MOGS: variants seen among roughly 807,000 people sequenced by gnomAD.
MOGS encodes mannosyl-oligosaccharide glucosidase.
Under a neutral mutation model 68.5 loss-of-function variants are expected in MOGS, and 45 were observed. That is an observed-to-expected ratio of 0.66 (90% CI 0.52 to 0.84). The LOEUF (loss-of-function observed/expected upper bound fraction) is 0.84, where lower values mean the gene tolerates loss of function less well. MOGS is among the 40% of genes least tolerant of loss of function. The probability of loss-of-function intolerance (pLI) is 0.00; values close to 1 mark genes in which losing one functional copy is unlikely to be tolerated. For synonymous variants in MOGS, 492 were observed against 461.2 expected, an observed-to-expected ratio of 1.07 and a Z score of -0.86; for missense variants, 1,020 against 1,095.0, an observed-to-expected ratio of 0.93 and a Z score of 0.97.
rs1671892629 is a variant in MOGS, at chr2:74,461,235, G to A, written c.*40C>T. On this transcript the variant is annotated 3_prime_UTR_variant, in exon 4 of 4. Transcript: ENST00000448666. ...AGAAGCCTTTGTCCCTTCAGAGCCAGAGTGGCATGAGTGTCTTGGCTCCCC... is the reference window on the plus strand; with the variant it reads ...AGAAGCCTTTGTCCCTTCAGAGCCAAAGTGGCATGAGTGTCTTGGCTCCCC... The A allele has an allele frequency of 1.2e-6, 2 of 1,611,642 alleles. No homozygotes were observed. Among genetic ancestry groups the A allele is most frequent in the South Asian group, 1.1e-5 (1 of 90,898 alleles).
intron 1 of MOGS, 47 bp downstream of exon 1, chr2:74,464,849 G>A: frequency 1.9e-6 from 3 of 1,580,390 alleles, no homozygotes; most frequent in Non-Finnish European, 2.6e-6. Flanking sequence ...AAGCTGGGGC[G>A]CCCAGATTAG....
rs1330532887 is a variant in MOGS at position 74,465,189 on chromosome 2, T to C, written c.59A>G (p.Glu20Gly). Residue 20 changes from glutamate to glycine, a missense_variant, in exon 1 of 4, where the codon GAG becomes GGG. By Grantham distance (98) the Glu-to-Gly change is moderately conservative (BLOSUM62 -2). This residue lies in a region of MOGS where 569 missense variants were observed against 571.9 expected (regional missense o/e 0.99). Transcript: ENST00000448666. ...CCCGGGGCCTCCCCGAGCCGCCCTC[T>C]CGGCTGTCCGCACTCCCTCTGCCGG... The part of the protein sequence containing the change: ...AVPAEGVRTA[E>G]RAARGGPGRR... 25 of 1,534,638 alleles carry C rather than the reference T, an allele frequency of 1.6e-5. No individual in the cohort carries two copies. The highest frequency in any genetic ancestry group is 2.2e-5 in the Non-Finnish European group (25 of 1,149,798).
rs559593629 is a variant in MOGS at position 74,462,226 on chromosome 2, A to T, written c.1563T>A (p.His521Gln). 6.2e-7 allele frequency: 1 copy of T among 1,614,114 alleles called. No homozygotes were observed. Among genetic ancestry groups the T allele is most frequent in the African/African-American group, 1.3e-5 (1 of 75,026 alleles). ...NPPTLLLPVA[H>Q]MLEVGDPDDL... is the part of the protein sequence containing the mutation. Reference sequence around the variant, plus strand: ...CGTCAGGGTCACCAACCTCTAGCATATGGGCTACAGGCAAAAGTAGGGTTG... The same window carrying T: ...CGTCAGGGTCACCAACCTCTAGCATTTGGGCTACAGGCAAAAGTAGGGTTG... Residue 521 changes from histidine (H) to glutamine (Q), a missense_variant, in exon 4 of 4, where the codon CAT becomes CAA. His to Gln is a conservative substitution (Grantham distance 24). Transcript: ENST00000448666.
intron 1 of MOGS, 63 bp from the exon 2 acceptor site, chr2:74,464,785 C>A: frequency 1.3e-6 from 2 of 1,565,068 alleles, no homozygotes; most frequent in South Asian, 1.2e-5. Flanking sequence ...GTCTCCGGGT[C>A]ATCCCTCTTC....
Position 74,464,878 on chromosome 2 carries a change from G to A in MOGS, c.352+18C>T, listed in dbSNP as rs552192148. The A allele has an allele frequency of 2.1e-5, 33 of 1,602,856 alleles. No individual in the cohort carries two copies. The South Asian group carries it at 3.0e-4, about 15-fold the overall frequency. The stretch of plus-strand genomic sequence containing the variant: ...AGATTAGGAGTCCGCCTGCCTGCCC[G>A]CCCTGGGGCCCGGTTACCGGTGAGG... On this transcript the variant is annotated intron_variant, in intron 1 of 3. Transcript: ENST00000448666.
chr2:74,462,648 TCTC>T lies in MOGS; in HGVS notation c.1138_1140del (p.Glu380del), dbSNP rs990829534. ...ACCTGCTCGCCAGAGCTCAGGCCCT[TCTC>T]CTTCAGCTGGAAGGTCTTCTCAAAG... On this transcript the variant is annotated inframe_deletion, in exon 4 of 4. Transcript: ENST00000448666. 6.2e-7 allele frequency: 1 copy of T among 1,614,182 alleles called. No individual in the cohort carries two copies. Among genetic ancestry groups the T allele is most frequent in the Non-Finnish European group, 8.5e-7 (1 of 1,180,016 alleles).
rs774648411 is a variant in MOGS, at chr2:74,461,453, C to T, written c.2336G>A (p.Arg779Gln). 44 of 1,614,058 alleles carry T rather than the reference C, an allele frequency of 2.7e-5. No individual in the cohort carries two copies. Among genetic ancestry groups the T allele is most frequent in the East Asian group, 1.8e-4 (8 of 44,896 alleles). The change falls in exon 4 of 4, where the codon CGG becomes CAG. Residue 779 changes from arginine (R) to glutamine (Q), a missense_variant. Physicochemically the swap from Arg to Gln is conservative, Grantham distance 43. Coordinates refer to ENST00000448666, the MANE Select transcript of MOGS (RefSeq NM_006302.3). Reference protein sequence around the residue: ...YGHLEGPHQARAAKLHGELRA... With the variant: ...YGHLEGPHQAQAAKLHGELRA... ...GAGCTCACCGTGGAGTTTGGCAGCCCGAGCCTGGTGAGGACCCTCCAGATG... is the reference window on the plus strand; with the variant it reads ...GAGCTCACCGTGGAGTTTGGCAGCCTGAGCCTGGTGAGGACCCTCCAGATG...
In MOGS at chr2:74,463,205, G is replaced by T. The variant is rs1378414628; in HGVS notation, c.761C>A (p.Ala254Asp). The part of the protein sequence containing the change: ...LLPPTSPGDT[A>D]PKYGSYNVFW... ...CCCCAGTTACCTGCCATACTTGGGG[G>T]CTGTATCCCCTGGACTGGTTGGTGG... is the stretch of plus-strand genomic sequence containing the variant. The change falls in exon 3 of 4, where the codon GCC becomes GAC. Residue 254 changes from alanine (A) to aspartate (D), a missense_variant. Ala to Asp is a moderately radical substitution (Grantham distance 126). Around this residue, in one of 3 missense-constraint regions of MOGS, gnomAD observed 569 missense variants for 571.9 expected, o/e 0.99. Coordinates refer to ENST00000448666, the MANE Select transcript of MOGS (RefSeq NM_006302.3). The T allele has an allele frequency of 1.2e-6, 2 of 1,614,138 alleles. No individual in the cohort carries two copies.
rs546754546 is a variant in MOGS, at chr2:74,461,469, C to T, written c.2320G>A (p.Gly774Ser). 3.7e-6 allele frequency: 6 copies of T among 1,614,058 alleles called. No homozygotes were observed. In the South Asian group the frequency reaches 5.5e-5, roughly 15 times the overall value. ...GALHHYGHLE[G>S]PHQARAAKLH... The stretch of plus-strand genomic sequence containing the variant: ...TTGGCAGCCCGAGCCTGGTGAGGAC[C>T]CTCCAGATGCCCATAGTGGTGGAGT... The change falls in exon 4 of 4, where the codon GGT becomes AGT. Residue 774 changes from glycine (G) to serine (S), a missense_variant. Around this residue, in one of 3 missense-constraint regions of MOGS, gnomAD observed 270 missense variants for 261.3 expected, o/e 1.03. Coordinates refer to ENST00000448666, the MANE Select transcript of MOGS (RefSeq NM_006302.3).
At chr2:74,464,405 C>T in intron 2 of MOGS, 91 bp downstream of exon 2, 1 of 1,280,386 alleles carries the variant, frequency 7.8e-7, no homozygotes, top group Non-Finnish European at 1.1e-6. Flanking sequence ...TTAAGCCAGG[C>T]AGCCAGAGCC....
Position 74,465,066 on chromosome 2 carries a change from C to A in MOGS, c.182G>T (p.Trp61Leu), listed in dbSNP as rs1476080948. The change falls in exon 1 of 4, where the codon TGG becomes TTG. Residue 61 changes from tryptophan to leucine, a missense_variant. This residue lies in a region of MOGS where 569 missense variants were observed against 571.9 expected (regional missense o/e 0.99). Coordinates refer to ENST00000448666, the MANE Select transcript of MOGS (RefSeq NM_006302.3). ...LSLALGMSGR[W>L]VLAWYRARRA... ...CCGCGCACGGTACCACGCCAGCACCCAGCGCCCCGACATACCCAGGGCCAA... is the reference window on the plus strand; with the variant it reads ...CCGCGCACGGTACCACGCCAGCACCAAGCGCCCCGACATACCCAGGGCCAA... The A allele has an allele frequency of 5.8e-6, 9 of 1,555,734 alleles. No homozygotes were observed. Among genetic ancestry groups the A allele is most frequent in the Non-Finnish European group, 6.9e-6 (8 of 1,151,570 alleles).
At chr2:74,464,796 A>G (rs1404698044) in intron 1 of MOGS, 74 bp from the exon 2 acceptor site, 2 of 1,562,784 alleles carry the variant, frequency 1.3e-6, no homozygotes, top group Non-Finnish European at 1.7e-6. Context: ...ATCCCTCTTC[A>G]TAACTCTCCT....
chr2:74,463,658 TTC>T (rs1381123452), intron 2 of MOGS: 10 of 336,280 alleles, frequency 3.0e-5, no homozygotes, highest in South Asian at 6.5e-5. Context: ...TTTCATTTAA[TTC>T]TTTTTTTTTT....
intron 2 of MOGS, among the ~76,000 whole-genome samples, chr2:74,464,189 C>A (rs772418139): frequency 6.6e-6 from 1 of 150,754 alleles, no homozygotes; most frequent in Non-Finnish European, 1.5e-5. Context: ...GAACTCCTGA[C>A]CTCAGGTGAT....
rs1347364305 is a variant in MOGS at position 74,462,191 on chromosome 2, A to T, written c.1598T>A (p.Phe533Tyr). 1 of 1,614,146 alleles carries T rather than the reference A, an allele frequency of 6.2e-7. No individual in the cohort carries two copies. Among genetic ancestry groups the T allele is most frequent in the Non-Finnish European group, 8.5e-7 (1 of 1,180,008 alleles). The change falls in exon 4 of 4, where the codon TTC (phenylalanine) becomes TAC (tyrosine). Residue 533 changes from phenylalanine to tyrosine, a missense_variant. Around this residue, in one of 3 missense-constraint regions of MOGS, gnomAD observed 181 missense variants for 261.8 expected, o/e 0.69. Transcript: ENST00000448666. ...LEVGDPDDLA[F>Y]LRKALPRLHA... ...CAGGCGGGGCAAGGCCTTTCGGAGG[A>T]AAGCCAAGTCGTCAGGGTCACCAAC...
Position 74,461,114 on chromosome 2 carries a change from C to G in MOGS, c.*161G>C. On this transcript the variant is annotated 3_prime_UTR_variant, in exon 4 of 4. Coordinates refer to ENST00000448666, the MANE Select transcript of MOGS (RefSeq NM_006302.3). ...GAAAAATAGACTCTGGATTCACATT[C>G]ACCCCAGGGCTATGTGGGATGACAG... 2 of 764,648 alleles carry G rather than the reference C, an allele frequency of 2.6e-6. No individual in the cohort carries two copies. The highest frequency in any genetic ancestry group is 1.8e-5 in the African/African-American group (1 of 56,838). The allele number at this position is 764,648 out of a possible 1,614,324, so 47.4% of individuals were successfully genotyped here.
rs374527950 is a variant in MOGS, at chr2:74,461,427, G to A, written c.2362C>T (p.Arg788Cys). 8.7e-6 allele frequency: 14 copies of A among 1,614,090 alleles called. No homozygotes were observed. Among genetic ancestry groups the A allele is most frequent in the East Asian group, 4.5e-5 (2 of 44,904 alleles). ...ARAAKLHGEL[R>C]ANVVGNVWRQ... ...CATACATTGCCTACCACGTTGGCAC[G>A]GAGCTCACCGTGGAGTTTGGCAGCC... The change falls in exon 4 of 4, where the codon CGT becomes TGT. Residue 788 changes from arginine (R) to cysteine (C), a missense_variant. By Grantham distance (180) the Arg-to-Cys change is radical. Around this residue, in one of 3 missense-constraint regions of MOGS, gnomAD observed 270 missense variants for 261.3 expected, o/e 1.03. Transcript: ENST00000448666.
At chr2:74,463,660 CTTTT>C (rs952902052) in intron 2 of MOGS, 1,221 of 196,398 alleles carry the variant, frequency 6.2e-3, no homozygotes, top group South Asian at 0.012. Context: ...TCATTTAATT[CTTTT>C]TTTTTTTTTT....
chr2:74,464,779 C>G, intron 1 of MOGS, 57 bp from the exon 2 acceptor site: 1 of 1,572,588 alleles, frequency 6.4e-7, no homozygotes, highest in Non-Finnish European at 8.7e-7. Flanking sequence ...CTCCGGGTCT[C>G]CGGGTCATCC....
Sources: gnomAD v4.1 joint callset for allele counts (sites outside exome capture counted in the v4.1 genomes callset) on GRCh38, gnomAD v4.1.1 for gene constraint, gnomAD v4.1.1 regional missense constraint, MANE v1.5 for transcripts, NCBI Gene and HGNC (gene_info 2026-07-23, HGNC 2026-07-21) for gene names.